CUX1: variants seen among roughly 807,000 people sequenced by gnomAD.
CUX1 encodes the protein protein CASP.
In CUX1, 31 loss-of-function variants were observed where a neutral mutation model predicts 158.8. The observed-to-expected ratio is 0.20, with a 90% CI of 0.15 to 0.26. The LOEUF (loss-of-function observed/expected upper bound fraction) is 0.26. CUX1 is among the 10% of genes least tolerant of loss of function. The pLI is 1.00. For missense variants in CUX1, 1,589 were observed against 2,014.6 expected (o/e 0.79, Z 4.04); for synonymous variants, 879 against 862.1 (o/e 1.02, Z -0.34).
chr7:102,090,368 T>G (rs963162024), intron 4 of CUX1, among the ~76,000 whole-genome samples: 2 of 141,968 alleles, frequency 1.4e-5, no homozygotes, highest in Non-Finnish European at 1.5e-5. Flanking sequence ...CATGATACCG[T>G]TTTTTTTTTT....
intron 8 of CUX1, among the ~76,000 whole-genome samples, chr7:102,136,404 T>A (rs1487550681): frequency 6.6e-6 from 1 of 152,146 alleles, no homozygotes; most frequent in Non-Finnish European, 1.5e-5. Flanking sequence ...TTTTTTTTTT[T>A]TATTTGAGAT....
At position 101,873,531 on chromosome 7, in the gene CUX1, C is replaced by T. The variant is rs192560972; in HGVS notation, c.31-42584C>T. On this transcript the variant is annotated intron_variant, in intron 1 of 23. Transcript: ENST00000292535. ...ATATTTGTGGAAGAACTTCTATGTTCTCTTTCCTTATTTTAAATATTGGGA... is the reference window on the plus strand; with the variant it reads ...ATATTTGTGGAAGAACTTCTATGTTTTCTTTCCTTATTTTAAATATTGGGA... Among the ~76,000 whole-genome samples the T allele has an allele frequency of 5.9e-5, 9 of 152,160 alleles. No homozygotes were observed. The East Asian group carries it at 1.7e-3, about 29-fold the overall frequency.
chr7:102,103,564 A>G (rs1830010958), intron 5 of CUX1, among the ~76,000 whole-genome samples: 1 of 151,948 alleles, frequency 6.6e-6, no homozygotes, highest in South Asian at 2.1e-4. Flanking sequence ...CCAAGTCCCT[A>G]AGCTGGGACT....
At chr7:101,959,764 C>G (rs1432613701) in intron 2 of CUX1, among the ~76,000 whole-genome samples, 2 of 152,120 alleles carry the variant, frequency 1.3e-5, no homozygotes, top group Non-Finnish European at 2.9e-5. Context: ...GCTGCTGTTT[C>G]CACTGCCTAA....
intron 2 of CUX1, among the ~76,000 whole-genome samples, chr7:101,933,028 A>G (rs1302660039): frequency 6.6e-6 from 1 of 152,236 alleles, no homozygotes; most frequent in African/African-American, 2.4e-5. Context: ...TAAGTGTGGG[A>G]AATGAATTCG....
intron 2 of CUX1, among the ~76,000 whole-genome samples, chr7:102,019,634 A>G (rs2129316555): frequency 6.6e-6 from 1 of 152,224 alleles, no homozygotes; most frequent in South Asian, 2.1e-4. Context: ...CTATGTTGAA[A>G]TCCTGCACCC....
intron 8 of CUX1, among the ~76,000 whole-genome samples, chr7:102,148,363 AC>A (rs1261691750): frequency 1.3e-5 from 2 of 151,992 alleles, no homozygotes; most frequent in East Asian, 3.9e-4. Flanking sequence ...ACATGGTGAA[AC>A]CCCGTCTCTA....
chr7:101,896,659 A>C (rs994782275), intron 1 of CUX1, among the ~76,000 whole-genome samples: 1 of 152,240 alleles, frequency 6.6e-6, no homozygotes, highest in Admixed American at 6.5e-5. Context: ...AGTTGCTAAA[A>C]TTAATTCCAG....
At chr7:102,239,277 C>A (rs782765370) in intron 22 of CUX1, 43 bp from the exon 23 acceptor site, 28 of 1,564,888 alleles carry the variant, frequency 1.8e-5, no homozygotes, top group Non-Finnish European at 2.4e-5. Context: ...GGGCTGCTGT[C>A]CCAGCTGGGC....
chr7:101,863,968 T>G (rs1400617192), intron 1 of CUX1, among the ~76,000 whole-genome samples: 1 of 152,210 alleles, frequency 6.6e-6, no homozygotes, highest in African/African-American at 2.4e-5. Context: ...CTTGCGTTGC[T>G]TCTACCATTT....
chr7:101,990,198 GA>G (rs150473645), intron 2 of CUX1, among the ~76,000 whole-genome samples: 5 of 147,694 alleles, frequency 3.4e-5, no homozygotes, highest in South Asian at 4.3e-4. Context: ...ATCTCTTAAG[GA>G]AAAAAAAAAG....
rs571949837 is a variant in CUX1, at chr7:102,275,028, G to T, written c.1451-219G>T. 2.3e-4 allele frequency among the ~76,000 whole-genome samples: 35 copies of T among 152,248 alleles called. No homozygotes were observed. The highest frequency in any genetic ancestry group is 7.5e-4 in the African/African-American group (31 of 41,548). On this transcript the variant is annotated intron_variant, in intron 16 of 22. Transcript: ENST00000292538. The stretch of plus-strand genomic sequence containing the variant: ...TGGGCCCTTCCCCAGCGTGCGTATT[G>T]TCAGGTCAGCCCCTGCCATCCATTC...
intron 20 of CUX1, among the ~76,000 whole-genome samples, chr7:102,217,533 G>A (rs1230152191): frequency 6.6e-6 from 1 of 152,268 alleles, no homozygotes; most frequent in South Asian, 2.1e-4. Flanking sequence ...GATGAAAGAG[G>A]AGAGTCGAAA....
At chr7:102,262,592 G>A (rs573249854), downstream of CUX1, among the ~76,000 whole-genome samples, 42 of 152,338 alleles carry the variant, frequency 2.8e-4, no homozygotes, top group African/African-American at 9.1e-4. Context: ...CTTGCTGCCC[G>A]TGGCCAGGCC....
At chr7:102,180,400 T>G (rs566091535) in intron 11 of CUX1, among the ~76,000 whole-genome samples, 1 of 141,734 alleles carries the variant, frequency 7.1e-6, no homozygotes, top group South Asian at 2.4e-4. Context: ...CACGGCAACC[T>G]CGAAGTCTCG....
intron 1 of CUX1, among the ~76,000 whole-genome samples, chr7:101,836,816 C>T (rs1296016461): frequency 1.3e-5 from 2 of 151,850 alleles, no homozygotes; most frequent in African/African-American, 4.8e-5. Flanking sequence ...GGAGAAGAGG[C>T]TGCCCCCACC....
chr7:102,197,978 G>A (rs1794972723), intron 15 of CUX1, among the ~76,000 whole-genome samples: 1 of 152,204 alleles, frequency 6.6e-6, no homozygotes, highest in Non-Finnish European at 1.5e-5. Context: ...TCCCAGCCGG[G>A]CACAGTAGCT....
chr7:101,888,296 A>G (rs569031611), intron 1 of CUX1, among the ~76,000 whole-genome samples: 2 of 152,152 alleles, frequency 1.3e-5, no homozygotes, highest in Non-Finnish European at 2.9e-5. Context: ...GTGCCACTGC[A>G]CTCCAGCCTG....
Position 102,250,734 on chromosome 7 carries a change from T to TCC in CUX1, c.*1694_*1695dup. On this transcript the variant is annotated 3_prime_UTR_variant, in exon 24 of 24. Transcript: ENST00000292535. ...GAAAGTCTAACTTGTCTCTGATTCC[T>TCC]CCCTTGTCTATGTGTATATGCGTGA... 3 of 985,454 alleles carry TCC rather than the reference T, an allele frequency of 3.0e-6. No individual in the cohort carries two copies. Among genetic ancestry groups the TCC allele is most frequent in the Non-Finnish European group, 2.4e-6 (2 of 829,936 alleles). 61.0% of individuals were successfully genotyped at this position (985,454 alleles called of 1,614,324 possible). A position where few individuals can be genotyped will look rare whatever the true frequency, so the allele number is the denominator to read the frequency against.
Sources: allele counts gnomAD v4.1 joint callset (sites outside exome capture counted in the v4.1 genomes callset), GRCh38; gene constraint gnomAD v4.1.1; transcripts MANE v1.5; gene names NCBI Gene and HGNC (gene_info 2026-07-23, HGNC 2026-07-21).